The following TMEM52B variants were observed in gnomAD, a reference collection of about 807,000 sequenced individuals.
TMEM52B encodes transmembrane protein 52B.
In TMEM52B, 11 loss-of-function variants were observed where a neutral mutation model predicts 16.1. The ratio of observed to expected loss-of-function variants is 0.68; its 90% CI spans 0.43 to 1.13. The LOEUF (loss-of-function observed/expected upper bound fraction) is 1.13, where lower values mean the gene tolerates loss of function less well. Ranked by LOEUF, TMEM52B falls within the 50% of genes most tolerant of loss-of-function variation. The probability of loss-of-function intolerance (pLI) is 0.00; values close to 1 mark genes in which losing one functional copy is unlikely to be tolerated. For synonymous variants in TMEM52B, 101 were observed against 93.8 expected (o/e 1.08, Z -0.45); for missense variants, 243 against 230.4 (o/e 1.05, Z -0.35).
intron 1 of TMEM52B, among the ~76,000 whole-genome samples, chr12:10,173,575 A>C (rs1369105924): frequency 6.6e-6 from 1 of 151,660 alleles, no homozygotes; most frequent in Non-Finnish European, 1.5e-5. Flanking sequence ...TGAGGTCAGG[A>C]GTTCGAGACC....
intron 4 of TMEM52B, among the ~76,000 whole-genome samples, chr12:10,189,623 CAAAAAA>C (rs766090432): frequency 1.2e-5 from 1 of 82,942 alleles, no homozygotes; most frequent in African/African-American, 4.7e-5. Flanking sequence ...AACTCCGTCT[CAAAAAA>C]AAAAAAAAAA....
chr12:10,180,797 TTTGTTG>T (rs922588178), intron 1 of TMEM52B, among the ~76,000 whole-genome samples: 5 of 151,884 alleles, frequency 3.3e-5, no homozygotes, highest in African/African-American at 9.7e-5. Context: ...ACTTAAATGG[TTTGTTG>T]TTGTTGTTGT....
chr12:10,180,532 G>C (rs1948810843), intron 1 of TMEM52B, among the ~76,000 whole-genome samples: 1 of 152,032 alleles, frequency 6.6e-6, no homozygotes, highest in Admixed American at 6.6e-5. Context: ...CATCGTTAGT[G>C]GCCATTTCTT....
At chr12:10,181,542 C>T (rs146120131) in intron 1 of TMEM52B, among the ~76,000 whole-genome samples, 3,498 of 150,720 alleles carry the variant, frequency 0.023, 128 homozygotes, top group African/African-American at 0.081. Context: ...GTTGGCCAGG[C>T]TGGTCTCGAA....
At chr12:10,189,016 CAAAAAAAAAAAAAAAAAAAAAA>C (rs869240234) in intron 4 of TMEM52B, among the ~76,000 whole-genome samples, 2 of 56,488 alleles carry the variant, frequency 3.5e-5, no homozygotes, top group South Asian at 7.3e-4. Flanking sequence ...GACTCCGTCT[CAAAAAAAAAAAAAAAAAAAAAA>C]AAAAAAAAAA....
chr12:10,183,522 C>G (rs929974751), intron 2 of TMEM52B, among the ~76,000 whole-genome samples: 2 of 151,990 alleles, frequency 1.3e-5, no homozygotes, highest in Non-Finnish European at 2.9e-5. Context: ...AATAGATTCA[C>G]TAGATTTCAG....
intron 4 of TMEM52B, among the ~76,000 whole-genome samples, chr12:10,188,095 C>G (rs901702900): frequency 2.0e-5 from 3 of 151,424 alleles, no homozygotes; most frequent in Non-Finnish European, 2.9e-5. Flanking sequence ...AGAGAAAGAC[C>G]CTGTCTCAAA....
chr12:10,178,843 T>A (rs1051019599), upstream of TMEM52B, among the ~76,000 whole-genome samples: 13 of 152,212 alleles, frequency 8.5e-5, no homozygotes, highest in Admixed American at 6.5e-4. Flanking sequence ...CGACTTGATT[T>A]CTCATCTTCA....
At chr12:10,188,624 T>A (rs1476494703) in intron 4 of TMEM52B, among the ~76,000 whole-genome samples, 2 of 151,426 alleles carry the variant, frequency 1.3e-5, no homozygotes, top group Non-Finnish European at 2.9e-5. Flanking sequence ...CCCAGAACTT[T>A]GGGAGGCCGA....
chr12:10,172,039 G>T, intron 1 of TMEM52B: 1 of 1,613,708 alleles, frequency 6.2e-7, no homozygotes, highest in Non-Finnish European at 8.5e-7. Flanking sequence ...CATCAGGCTG[G>T]TCCTTCACAG....
upstream of TMEM52B, chr12:10,175,476 CA>C (rs1440738350): frequency 2.6e-5 from 4 of 152,216 alleles, no homozygotes; most frequent in Non-Finnish European, 2.9e-5. Context: ...TTCTGACTCA[CA>C]GATACTTTGA....
chr12:10,186,983 G>A (rs1356065130), intron 4 of TMEM52B, among the ~76,000 whole-genome samples: 3 of 151,086 alleles, frequency 2.0e-5, no homozygotes, highest in Non-Finnish European at 4.4e-5. Context: ...TTAATGACAT[G>A]TACTTTCAGT....
intron 1 of TMEM52B, chr12:10,182,214 G>T (rs1948833134): frequency 3.0e-6 from 3 of 984,246 alleles, no homozygotes; most frequent in Non-Finnish European, 3.6e-6. Context: ...CAGGAATTAG[G>T]AGGACAATGG....
intron 4 of TMEM52B, among the ~76,000 whole-genome samples, chr12:10,187,009 G>T (rs893456018): frequency 3.3e-5 from 5 of 151,146 alleles, no homozygotes; most frequent in African/African-American, 1.2e-4. Context: ...ATTCTTCAAG[G>T]CTTGATACAC....
rs937727552 is a variant in TMEM52B, at chr12:10,179,743, G to A, written c.54+115G>A. On this transcript the variant is annotated intron_variant, in intron 1 of 4. Transcript: ENST00000543484. ...GGGGAGACATATACAGAACCCAGGG[G>A]GTCATAGGGAAATGAATAAACTACA... 3 of 1,208,314 alleles carry A rather than the reference G, an allele frequency of 2.5e-6. No individual in the cohort carries two copies. The East Asian group carries it at 7.1e-5, about 29-fold the overall frequency. 74.8% of individuals were successfully genotyped at this position (1,208,314 alleles called of 1,614,324 possible).
In TMEM52B at chr12:10,179,039, C is replaced by G. The variant is rs2137542142; in HGVS notation, c.-536C>G. The G allele has an allele frequency of 6.4e-6, 1 of 155,294 alleles. No homozygotes were observed. Among genetic ancestry groups the G allele is most frequent in the Admixed American group, 6.2e-5 (1 of 16,026 alleles). The allele number at this position is 155,294 out of a possible 1,614,324, so 9.6% of individuals were successfully genotyped here. On this transcript the variant is annotated 5_prime_UTR_variant, in exon 1 of 5. Coordinates refer to ENST00000543484, the MANE Select transcript of TMEM52B (RefSeq NM_001384896.1). ...ACGGAGAGAGAAGAAAGGAGATTAG[C>G]AGGGTGACTTTCACCCTGCAACAGT...
chr12:10,182,939 T>C (rs574497692), intron 2 of TMEM52B, among the ~76,000 whole-genome samples: 68 of 152,292 alleles, frequency 4.5e-4, no homozygotes, highest in African/African-American at 1.6e-3. Context: ...CACTGGCATA[T>C]ATATTTGGGT....
chr12:10,180,580 C>A (rs1948811370), intron 1 of TMEM52B, among the ~76,000 whole-genome samples: 1 of 152,174 alleles, frequency 6.6e-6, no homozygotes, highest in African/African-American at 2.4e-5. Context: ...TCAAATGTTA[C>A]CTGCAAAGGC....
upstream of TMEM52B, among the ~76,000 whole-genome samples, chr12:10,174,153 T>C (rs79634642): frequency 6.6e-6 from 1 of 152,102 alleles, no homozygotes; most frequent in Admixed American, 6.6e-5. Context: ...CTCCGCCTCC[T>C]GGGTTCAAGC....
Sources: gnomAD v4.1 joint callset for allele counts (sites outside exome capture counted in the v4.1 genomes callset) on GRCh38, gnomAD v4.1.1 for gene constraint, MANE v1.5 for transcripts, NCBI Gene and HGNC (gene_info 2026-07-23, HGNC 2026-07-21) for gene names.